The following ZFAND3 variants were observed in gnomAD, a reference collection of about 807,000 sequenced individuals.
ZFAND3 encodes the protein zinc finger AN1-type containing 3, also known as AN1-type zinc finger protein 3.
In ZFAND3, 10 loss-of-function variants were observed where a neutral mutation model predicts 29.6. The observed-to-expected ratio is 0.34, with a 90% CI of 0.21 to 0.57. The LOEUF is 0.57. Among genes scored for constraint, ZFAND3 ranks in the 20% least tolerant of loss-of-function variants. The pLI is 0.86. For synonymous variants in ZFAND3, 128 were observed against 112.6 expected (o/e 1.14, Z -0.87); for missense variants, 230 against 304.5 (o/e 0.76, Z 1.82).
At chr6:37,867,301 A>G (rs933198555) in intron 1 of ZFAND3, among the ~76,000 whole-genome samples, 1 of 152,018 alleles carries the variant, frequency 6.6e-6, no homozygotes, top group East Asian at 1.9e-4. Flanking sequence ...CAACATTTAT[A>G]TTTTCGTGCG....
intron 5 of ZFAND3, among the ~76,000 whole-genome samples, chr6:38,149,270 AGGTGT>A (rs1766172247): frequency 6.6e-6 from 1 of 151,992 alleles, no homozygotes; most frequent in African/African-American, 2.4e-5. Flanking sequence ...AAAAACAGCT[AGGTGT>A]GGTGATGTGT....
At chr6:38,035,831 G>C (rs561290073) in intron 2 of ZFAND3, among the ~76,000 whole-genome samples, 1 of 152,080 alleles carries the variant, frequency 6.6e-6, no homozygotes, top group East Asian at 1.9e-4. Flanking sequence ...AGGTGAAAAG[G>C]CCATTTAGTT....
At chr6:37,955,119 G>A (rs1481637470) in intron 2 of ZFAND3, among the ~76,000 whole-genome samples, 1 of 151,176 alleles carries the variant, frequency 6.6e-6, no homozygotes, top group Non-Finnish European at 1.5e-5. Context: ...GTTCTCTGTG[G>A]ACTCTCAGCT....
At chr6:37,878,641 A>G (rs2127391009) in intron 1 of ZFAND3, among the ~76,000 whole-genome samples, 1 of 152,284 alleles carries the variant, frequency 6.6e-6, no homozygotes, top group Middle Eastern at 3.4e-3. Flanking sequence ...TGGCCGAGGC[A>G]GTTTGTCCTG....
chr6:38,130,585 T>C (rs1765723403), intron 5 of ZFAND3, among the ~76,000 whole-genome samples: 1 of 152,220 alleles, frequency 6.6e-6, no homozygotes, highest in South Asian at 2.1e-4. Flanking sequence ...GATTTTTGTT[T>C]TCAATTATGT....
intron 2 of ZFAND3, among the ~76,000 whole-genome samples, chr6:38,009,749 G>A (rs907758228): frequency 1.1e-4 from 17 of 152,144 alleles, no homozygotes; most frequent in African/African-American, 4.1e-4. Flanking sequence ...ATCTGAATAT[G>A]TTTTAAGAGA....
At chr6:38,103,460 TATACACGTGTATATATATACAC>T (rs2127478986) in intron 4 of ZFAND3, among the ~76,000 whole-genome samples, 2 of 143,194 alleles carry the variant, frequency 1.4e-5, no homozygotes, top group East Asian at 4.7e-4. Flanking sequence ...TACACACATA[TATACACGTGTATATATATACAC>T]ACATATATAC....
chr6:37,879,174 A>G (rs1164808255), intron 1 of ZFAND3, among the ~76,000 whole-genome samples: 1 of 152,234 alleles, frequency 6.6e-6, no homozygotes, highest in Admixed American at 6.5e-5. Flanking sequence ...CCTTGGAGAA[A>G]TCACTGAAGA....
chr6:37,882,093 C>G (rs1764906969), intron 1 of ZFAND3, among the ~76,000 whole-genome samples: 1 of 152,118 alleles, frequency 6.6e-6, no homozygotes, highest in African/African-American at 2.4e-5. Context: ...ATAGCTCTGA[C>G]ATTAGGGTCC....
At chr6:38,035,337 C>T (rs987177891) in intron 2 of ZFAND3, among the ~76,000 whole-genome samples, 1 of 152,122 alleles carries the variant, frequency 6.6e-6, no homozygotes, top group Non-Finnish European at 1.5e-5. Context: ...CTCTAAACTT[C>T]TTTTTAACAA....
chr6:38,048,929 T>C (rs1240863943), intron 2 of ZFAND3, among the ~76,000 whole-genome samples: 2 of 152,222 alleles, frequency 1.3e-5, no homozygotes, highest in African/African-American at 4.8e-5. Context: ...TTTTATATAA[T>C]AAGTTCATTT....
chr6:38,002,134 A>C (rs1012517538), intron 2 of ZFAND3, among the ~76,000 whole-genome samples: 1 of 152,180 alleles, frequency 6.6e-6, no homozygotes, highest in Admixed American at 6.5e-5. Flanking sequence ...TATACTATAA[A>C]TATTCATGCG....
chr6:38,017,618 C>G lies in ZFAND3; in HGVS notation c.113-43975C>G, dbSNP rs1284944491. On this transcript the variant is annotated intron_variant, in intron 2 of 5. Transcript: ENST00000287218. Reference sequence around the variant, plus strand: ...AAGGGAATATACATTTTTAGAATTTCTATATTTGATACTTGAAAAGTTGGG... The same window carrying G: ...AAGGGAATATACATTTTTAGAATTTGTATATTTGATACTTGAAAAGTTGGG... Among the ~76,000 whole-genome samples, 2 of 151,546 alleles carry G rather than the reference C, an allele frequency of 1.3e-5. 1 individual carries two copies. Among genetic ancestry groups the G allele is most frequent in the Non-Finnish European group, 2.9e-5 (2 of 67,982 alleles).
intron 2 of ZFAND3, among the ~76,000 whole-genome samples, chr6:38,028,619 G>C (rs970378809): frequency 6.6e-6 from 1 of 152,182 alleles, no homozygotes. Flanking sequence ...ACTAAAGTCT[G>C]CCTGACCTAG....
In ZFAND3 at chr6:37,914,718, G is replaced by T. The variant is rs187172689; in HGVS notation, c.72-15241G>T. On this transcript the variant is annotated intron_variant, in intron 1 of 5. Coordinates refer to ENST00000287218, the MANE Select transcript of ZFAND3 (RefSeq NM_021943.3). ...GGGTTTCGCTGTGTTAGCCAGGATG[G>T]TCTTGATCTCCTGACCTCGTGATCT... Among the ~76,000 whole-genome samples, 205 of 132,840 alleles carry T rather than the reference G, an allele frequency of 1.5e-3. No individual in the cohort carries two copies. In the Middle Eastern group the frequency reaches 0.018, roughly 12 times the overall value. The allele number at this position is 132,840 out of a possible 152,430, so 87.1% of individuals were successfully genotyped here.
At chr6:38,063,543 A>G (rs1461497348) in intron 3 of ZFAND3, among the ~76,000 whole-genome samples, 3 of 152,244 alleles carry the variant, frequency 2.0e-5, no homozygotes, top group Admixed American at 1.3e-4. Flanking sequence ...AAAGACAGCA[A>G]CTGTTGAAGG....
intron 2 of ZFAND3, among the ~76,000 whole-genome samples, chr6:38,036,615 T>C (rs1763662222): frequency 1.3e-5 from 2 of 152,044 alleles, no homozygotes; most frequent in Admixed American, 1.3e-4. Context: ...TAAGTAAATA[T>C]AAAAGAGGTA....
At chr6:37,982,750 A>G (rs1195594940) in intron 2 of ZFAND3, among the ~76,000 whole-genome samples, 2 of 152,150 alleles carry the variant, frequency 1.3e-5, no homozygotes, top group African/African-American at 4.8e-5. Context: ...TTATTTTTTT[A>G]AAAAGTTAAC....
At chr6:38,123,667 A>G (rs1429441258) in intron 5 of ZFAND3, among the ~76,000 whole-genome samples, 1 of 152,124 alleles carries the variant, frequency 6.6e-6, no homozygotes, top group Non-Finnish European at 1.5e-5. Context: ...TGTGTCCGGA[A>G]TTGGTGGGTT....
Sources: gnomAD v4.1 joint callset for allele counts (sites outside exome capture counted in the v4.1 genomes callset) on GRCh38, gnomAD v4.1.1 for gene constraint, MANE v1.5 for transcripts, NCBI Gene and HGNC (gene_info 2026-07-23, HGNC 2026-07-21) for gene names.